NCR3: variants seen among roughly 807,000 people sequenced by gnomAD.
NCR3 encodes the protein natural cytotoxicity triggering receptor 3, also known as NK-p30.
In NCR3, 13 loss-of-function variants were observed where a neutral mutation model predicts 16.1. That is an observed-to-expected ratio of 0.81 (90% CI 0.53 to 1.28). The LOEUF is 1.28. Ranked by LOEUF, NCR3 falls within the 50% of genes most tolerant of loss-of-function variation. The pLI, the probability that NCR3 is intolerant of heterozygous loss-of-function variation, is 0.00. For synonymous variants in NCR3, 98 were observed against 106.6 expected (o/e 0.92, Z 0.50); for missense variants, 202 against 256.8 (o/e 0.79, Z 1.46).
chr6:31,589,990 C>A lies in NCR3; in HGVS notation c.180G>T (p.Val60=), dbSNP rs1352015555. ...CATTCCTCACCTCCTTCCCTGGAAC[C>A]ACCTCATCTCGGAACCACGTGACGG... ...IGSVTWFRDE[V]VPGKEVRNGT... The change falls in exon 2 of 4, where the codon GTG becomes GTT. Residue 60 remains valine (V), a synonymous_variant. Transcript: ENST00000340027. This position sits in a 1 kb window ranked among gnomAD's most constrained non-coding sequence, Gnocchi z 4.8. 6.2e-7 allele frequency: 1 copy of A among 1,613,064 alleles called. No individual in the cohort carries two copies. The highest frequency in any genetic ancestry group is 1.7e-5 in the Admixed American group (1 of 60,012).
At chr6:31,590,285 CTGATT>C (rs1772525511) in intron 1 of NCR3, among the ~76,000 whole-genome samples, 159 bp from the exon 2 acceptor site, 2 of 152,144 alleles carry the variant, frequency 1.3e-5, no homozygotes, top group Non-Finnish European at 2.9e-5. Flanking sequence ...CTTAACCAAT[CTGATT>C]TCTTAACATT....
At chr6:31,591,837 C>T (rs1044485980) in intron 1 of NCR3, among the ~76,000 whole-genome samples, 3 of 152,110 alleles carry the variant, frequency 2.0e-5, no homozygotes, top group Non-Finnish European at 2.9e-5. Context: ...CACCACCAGG[C>T]GGGCGCAGTG....
chr6:31,589,358 G>A lies in NCR3; in HGVS notation c.496+168C>T, dbSNP rs888042208. The A allele has an allele frequency of 6.4e-7, 1 of 1,552,410 alleles. No homozygotes were observed. The highest frequency in any genetic ancestry group is 8.7e-7 in the Non-Finnish European group (1 of 1,147,180). ...AATCACTCCTCGGGGCCCATCTGAGGAGTGGCAGTGTGTTCCCATGTGACA... is the reference window on the plus strand; with the variant it reads ...AATCACTCCTCGGGGCCCATCTGAGAAGTGGCAGTGTGTTCCCATGTGACA... On this transcript the variant is annotated intron_variant, in intron 3 of 3. Transcript: ENST00000340027. The surrounding 1 kb of genome is among the most constrained non-coding windows in gnomAD (Gnocchi z 4.8).
rs1395734152 is a variant in NCR3, at chr6:31,592,701, G to A, written c.21C>T (p.Leu7=). The A allele has an allele frequency of 6.2e-7, 1 of 1,612,984 alleles. No homozygotes were observed. The change falls in exon 1 of 4, where the codon CTC becomes CTT. Residue 7 remains leucine (L), a synonymous_variant. Transcript: ENST00000340027. MAWMLL[L]ILIMVHPGSC... is the part of the protein sequence containing the mutation. The stretch of plus-strand genomic sequence containing the variant: ...CACCTGGATGGACCATGATCAAGAT[G>A]AGCAACAGCATCCAGGCCATGTCGG...
chr6:31,592,634 C>T (rs746254535), intron 1 of NCR3, 45 bp downstream of exon 1: 14 of 1,610,614 alleles, frequency 8.7e-6, no homozygotes, highest in Non-Finnish European at 1.2e-5. Flanking sequence ...GGATCTCCCT[C>T]CTCCCACCCA....
chr6:31,589,912 G>A lies in NCR3; in HGVS notation c.258C>T (p.Leu86=). The A allele has an allele frequency of 6.2e-7, 1 of 1,613,152 alleles. No homozygotes were observed. The highest frequency in any genetic ancestry group is 8.5e-7 in the Non-Finnish European group (1 of 1,180,036). Reference sequence around the variant, plus strand: ...TGTGCAGCTCAGCCTGGTGGTCATGGAGGAAACGGGAAGAAGCAAGTGGGG... The same window carrying A: ...TGTGCAGCTCAGCCTGGTGGTCATGAAGGAAACGGGAAGAAGCAAGTGGGG... The part of the protein sequence containing the change: ...RLAPLASSRF[L]HDHQAELHIR... Residue 86 remains leucine (L), a synonymous_variant, in exon 2 of 4, where the codon CTC becomes CTT. Coordinates refer to ENST00000340027, the MANE Select transcript of NCR3 (RefSeq NM_147130.3). This position sits in a 1 kb window ranked among gnomAD's most constrained non-coding sequence, Gnocchi z 4.8.
intron 1 of NCR3, among the ~76,000 whole-genome samples, chr6:31,592,224 T>G (rs2150418317): frequency 6.9e-6 from 1 of 144,498 alleles, no homozygotes; most frequent in East Asian, 2.0e-4. Flanking sequence ...CACTCCAGCC[T>G]AGGTGACAGA....
In NCR3 at chr6:31,589,945, G is replaced by T. The variant is rs769598213; in HGVS notation, c.225C>A (p.Gly75=). 2 of 1,613,004 alleles carry T rather than the reference G, an allele frequency of 1.2e-6. No homozygotes were observed. Among genetic ancestry groups the T allele is most frequent in the Non-Finnish European group, 1.7e-6 (2 of 1,180,046 alleles). ...GGGAAGAAGCAAGTGGGGCCAGGCG[G>T]CCCCTGAACTCTGGGGTTCCATTCC... is the stretch of plus-strand genomic sequence containing the variant. ...EVRNGTPEFR[G]RLAPLASSRF... Residue 75 remains glycine (G), a synonymous_variant, in exon 2 of 4, where the codon GGC becomes GGA. Transcript: ENST00000340027. This position sits in a 1 kb window ranked among gnomAD's most constrained non-coding sequence, Gnocchi z 4.8.
Position 31,588,918 on chromosome 6 carries a change from T to C in NCR3, c.*149A>G. 4 of 983,452 alleles carry C rather than the reference T, an allele frequency of 4.1e-6. No homozygotes were observed. The highest frequency in any genetic ancestry group is 5.9e-6 in the Non-Finnish European group (4 of 676,274). The allele number at this position is 983,452 out of a possible 1,614,324, so 60.9% of individuals were successfully genotyped here. On this transcript the variant is annotated 3_prime_UTR_variant, in exon 4 of 4. Transcript: ENST00000340027. ...GCTCACCCTTCCACCCACTCTGGGG[T>C]CAAATAGTAATTTATTGGGTGAATG...
chr6:31,589,559 CCA>C lies in NCR3; in HGVS notation c.461_462del (p.Val154GlyfsTer61). On this transcript the variant is annotated frameshift_variant, in exon 3 of 4. Transcript: ENST00000340027. LOFTEE classifies it low-confidence loss of function (END_TRUNC). This position sits in a 1 kb window ranked among gnomAD's most constrained non-coding sequence, Gnocchi z 4.8. ...AGFYAVSFLS[V>X]AVGSTVYYQG... Reference sequence around the variant, plus strand: ...TGGTAATAGACGGTGCTGCCCACGGCCACAGAGAGAAAGCTGACAGCATAGAA... The same window carrying C: ...TGGTAATAGACGGTGCTGCCCACGGCCAGAGAGAAAGCTGACAGCATAGAA... 6.2e-7 allele frequency: 1 copy of C among 1,614,112 alleles called. No individual in the cohort carries two copies. Among genetic ancestry groups the C allele is most frequent in the Middle Eastern group, 1.6e-4 (1 of 6,062 alleles).
At position 31,590,059 on chromosome 6, in the gene NCR3, C is replaced by A. The variant is rs77107611; in HGVS notation, c.111G>T (p.Leu37=). The change falls in exon 2 of 4, where the codon CTG becomes CTT. Residue 37 remains leucine, a synonymous_variant. Coordinates refer to ENST00000340027, the MANE Select transcript of NCR3 (RefSeq NM_147130.3). ...CTTGGCTGGCATTGAAGGAGCAGGG[C>A]AGGAAGGCAGAGGATCCTTCCAGGG... ...IRTLEGSSAF[L]PCSFNASQGR... 1 of 1,613,002 alleles carries A rather than the reference C, an allele frequency of 6.2e-7. No homozygotes were observed.
In NCR3 at chr6:31,592,669, G is replaced by C. The variant is rs763163040; in HGVS notation, c.43+10C>G. The C allele has an allele frequency of 6.2e-7, 1 of 1,612,718 alleles. No individual in the cohort carries two copies. The highest frequency in any genetic ancestry group is 1.7e-5 in the Admixed American group (1 of 59,976). On this transcript the variant is annotated intron_variant, in intron 1 of 3. Transcript: ENST00000340027. ...ACACTCCTTGGGGTCCTGAGCGCAC[G>C]CCCTGTCACCTGGATGGACCATGAT...
intron 1 of NCR3, among the ~76,000 whole-genome samples, 165 bp downstream of exon 1, chr6:31,592,514 T>C (rs996106477): frequency 9.2e-5 from 14 of 151,942 alleles, no homozygotes; most frequent in Admixed American, 7.2e-4. Flanking sequence ...AGACTGTGAA[T>C]TGGGGGAGTC....
At chr6:31,590,234 A>T (rs1772519068) in intron 1 of NCR3, 108 bp from the exon 2 acceptor site, 1 of 853,974 alleles carries the variant, frequency 1.2e-6, no homozygotes, top group African/African-American at 2.0e-5. Flanking sequence ...CATAGGGTGC[A>T]TGGGAATAGA....
In NCR3 at chr6:31,592,823, G is replaced by T; in HGVS notation, c.-102C>A. ...AGCCAGGCCTTTGGTCACCAGATGG[G>T]GATGGGGAGCTTCCTATGACACACG... On this transcript the variant is annotated 5_prime_UTR_variant, in exon 1 of 4. Coordinates refer to ENST00000340027, the MANE Select transcript of NCR3 (RefSeq NM_147130.3). 1 of 1,282,906 alleles carries T rather than the reference G, an allele frequency of 7.8e-7. No homozygotes were observed. Among genetic ancestry groups the T allele is most frequent in the East Asian group, 2.4e-5 (1 of 42,426 alleles). The allele number at this position is 1,282,906 out of a possible 1,614,324, so 79.5% of individuals were successfully genotyped here.
rs143363686 is a variant in NCR3, at chr6:31,589,883, C to T, written c.287G>A (p.Arg96Gln). The T allele has an allele frequency of 2.1e-4, 335 of 1,613,198 alleles. 2 individuals are homozygous for T. The highest frequency in any genetic ancestry group is 8.0e-5 in the Non-Finnish European group (94 of 1,180,052). Residue 96 changes from arginine to glutamine, a missense_variant, in exon 2 of 4, where the codon CGG (arginine) becomes CAG (glutamine). Coordinates refer to ENST00000340027, the MANE Select transcript of NCR3 (RefSeq NM_147130.3). The surrounding 1 kb of genome is among the most constrained non-coding windows in gnomAD (Gnocchi z 4.8). Reference protein sequence around the residue: ...LHDHQAELHIRDVRGHDASIY... With the variant: ...LHDHQAELHIQDVRGHDASIY... ...GCTGGCGTCATGGCCTCGCACGTCCCGGATGTGCAGCTCAGCCTGGTGGTC... is the reference window on the plus strand; with the variant it reads ...GCTGGCGTCATGGCCTCGCACGTCCTGGATGTGCAGCTCAGCCTGGTGGTC...
chr6:31,589,017 G>T lies in NCR3; in HGVS notation c.*50C>A. Reference sequence around the variant, plus strand: ...GTGGGCCTGGCAGGAAAGGGCAGTTGCCAAGGAGGAGTCATATCTGATCCT... The same window carrying T: ...GTGGGCCTGGCAGGAAAGGGCAGTTTCCAAGGAGGAGTCATATCTGATCCT... On this transcript the variant is annotated 3_prime_UTR_variant, in exon 4 of 4. Coordinates refer to ENST00000340027, the MANE Select transcript of NCR3 (RefSeq NM_147130.3). This position sits in a 1 kb window ranked among gnomAD's most constrained non-coding sequence, Gnocchi z 4.8. 6.6e-7 allele frequency: 1 copy of T among 1,510,954 alleles called. No individual in the cohort carries two copies. The highest frequency in any genetic ancestry group is 8.8e-7 in the Non-Finnish European group (1 of 1,131,616). 93.6% of individuals were successfully genotyped at this position (1,510,954 alleles called of 1,614,324 possible).
chr6:31,589,789 C>T lies in NCR3; in HGVS notation c.381G>A (p.Val127=). 1.2e-6 allele frequency: 2 copies of T among 1,609,646 alleles called. No individual in the cohort carries two copies. The highest frequency in any genetic ancestry group is 1.7e-6 in the Non-Finnish European group (2 of 1,177,500). The change falls in exon 2 of 4, where the codon GTG becomes GTA. Residue 127 remains valine (V), a synonymous_variant. Coordinates refer to ENST00000340027, the MANE Select transcript of NCR3 (RefSeq NM_147130.3). The surrounding 1 kb of genome is among the most constrained non-coding windows in gnomAD (Gnocchi z 4.8). ...CACCTCCCAGCATCTCACCTTTCTC[C>T]ACCACCAGCCGAGTCCCATTCCCTG... ...VGTGNGTRLV[V]EKEHPQLGAG...
chr6:31,591,209 C>T (rs943939489), intron 1 of NCR3, among the ~76,000 whole-genome samples: 1 of 152,138 alleles, frequency 6.6e-6, no homozygotes, highest in Non-Finnish European at 1.5e-5. Context: ...AAGACGTGGC[C>T]TTAATTGGTT....
Sources: allele counts gnomAD v4.1 joint callset (sites outside exome capture counted in the v4.1 genomes callset), GRCh38; gene constraint gnomAD v4.1.1; non-coding constraint Gnocchi (gnomAD v3.1); transcripts MANE v1.5; gene names NCBI Gene and HGNC (gene_info 2026-07-23, HGNC 2026-07-21).